The following LYN variants were observed in gnomAD, a reference collection of about 807,000 sequenced individuals.
The protein encoded by LYN is tyrosine-protein kinase Lyn.
In LYN, 12 loss-of-function variants were observed where a neutral mutation model predicts 65.0. That is an observed-to-expected ratio of 0.18 (90% confidence interval 0.12 to 0.30). The LOEUF (loss-of-function observed/expected upper bound fraction) is 0.30, where lower values mean the gene tolerates loss of function less well. Ranked by LOEUF, LYN falls within the 10% of genes least tolerant of loss-of-function variation. The pLI is 1.00. For synonymous variants in LYN, 222 were observed against 221.2 expected (o/e 1.00, Z -0.03); for missense variants, 380 against 623.2 (o/e 0.61, Z 4.16).
chr8:55,926,976 T>C (rs1806126771), intron 1 of LYN, among the ~76,000 whole-genome samples: 2 of 152,234 alleles, frequency 1.3e-5, no homozygotes, highest in South Asian at 4.1e-4. Flanking sequence ...ATAATTGCCA[T>C]CTAGCCATCA....
At chr8:55,885,500 A>G (rs891226923) in intron 1 of LYN, among the ~76,000 whole-genome samples, 1 of 152,130 alleles carries the variant, frequency 6.6e-6, no homozygotes, top group Non-Finnish European at 1.5e-5. Context: ...TTGGTAAAAC[A>G]TCTGGTGGGG....
intron 1 of LYN, among the ~76,000 whole-genome samples, chr8:55,939,986 C>T (rs1469010918): frequency 6.6e-6 from 1 of 152,194 alleles, no homozygotes; most frequent in Non-Finnish European, 1.5e-5. Flanking sequence ...GGCTTCATAC[C>T]TCAAGTAATG....
At chr8:55,907,100 GA>G (rs1313533511) in intron 1 of LYN, among the ~76,000 whole-genome samples, 1 of 152,122 alleles carries the variant, frequency 6.6e-6, no homozygotes, top group African/African-American at 2.4e-5. Flanking sequence ...CCAAGAGAAA[GA>G]AAAACATAGG....
At chr8:55,950,080 C>T (rs984721562) in intron 4 of LYN, among the ~76,000 whole-genome samples, 1 of 152,140 alleles carries the variant, frequency 6.6e-6, no homozygotes, top group Non-Finnish European at 1.5e-5. Context: ...AAAGTTCATC[C>T]CTGTTGTAGC....
intron 1 of LYN, among the ~76,000 whole-genome samples, chr8:55,884,185 C>T (rs897316437): frequency 1.4e-4 from 21 of 152,116 alleles, no homozygotes; most frequent in African/African-American, 4.3e-4. Flanking sequence ...CGGCAATCTC[C>T]GCCTCCTGGG....
intron 4 of LYN, among the ~76,000 whole-genome samples, chr8:55,949,259 A>G (rs1806870141): frequency 6.6e-6 from 1 of 152,250 alleles, no homozygotes; most frequent in South Asian, 2.1e-4. Flanking sequence ...AGGATTTGAA[A>G]GCATTTCTTA....
chr8:55,995,970 A>T lies in LYN; in HGVS notation c.1051-2376A>T, dbSNP rs963010788. 7.9e-5 allele frequency among the ~76,000 whole-genome samples: 12 copies of T among 152,314 alleles called. 2 individuals are homozygous for T. The highest frequency in any genetic ancestry group is 6.5e-5 in the Admixed American group (1 of 15,306). On this transcript the variant is annotated intron_variant, in intron 10 of 12. Transcript: ENST00000519728. The stretch of plus-strand genomic sequence containing the variant: ...ATCCCTGTAGTAGTGGGCTAACAAG[A>T]TAGTATTCTGGTCATGTGAAAACCC...
At chr8:55,971,649 G>A (rs1339777165) in intron 10 of LYN, among the ~76,000 whole-genome samples, 1 of 152,202 alleles carries the variant, frequency 6.6e-6, no homozygotes, top group Non-Finnish European at 1.5e-5. Flanking sequence ...TGTACCCGGA[G>A]AATGACTTTA....
chr8:55,935,926 A>T (rs944380593), intron 1 of LYN, among the ~76,000 whole-genome samples: 1 of 152,160 alleles, frequency 6.6e-6, no homozygotes, highest in Non-Finnish European at 1.5e-5. Flanking sequence ...CAACCAGGCT[A>T]TTGTGTCCCC....
At chr8:56,001,374 G>A (rs1467926792) in intron 12 of LYN, among the ~76,000 whole-genome samples, 6 of 152,206 alleles carry the variant, frequency 3.9e-5, no homozygotes, top group Non-Finnish European at 8.8e-5. Context: ...TGTAAGAGCA[G>A]CCCCTCTTAC....
At chr8:55,998,614 C>A in intron 11 of LYN, 115 bp downstream of exon 11, 1 of 917,636 alleles carries the variant, frequency 1.1e-6, no homozygotes, top group Non-Finnish European at 1.7e-6. Flanking sequence ...TTTGGTACAA[C>A]ATTTAAGCTG....
chr8:55,911,277 ATATATATATTT>A (rs1304818618), intron 1 of LYN, among the ~76,000 whole-genome samples: 3 of 46,362 alleles, frequency 6.5e-5, no homozygotes, highest in Admixed American at 5.9e-4. Flanking sequence ...ATATATATAT[ATATATATATTT>A]TTTTTTTTTT....
At chr8:55,964,386 C>T (rs1474940868) in intron 8 of LYN, among the ~76,000 whole-genome samples, 2 of 152,022 alleles carry the variant, frequency 1.3e-5, no homozygotes, top group Non-Finnish European at 2.9e-5. Context: ...CTGCAAGCTC[C>T]TAAGTATTAA....
intron 1 of LYN, among the ~76,000 whole-genome samples, chr8:55,918,526 T>C (rs998800024): frequency 4.6e-5 from 7 of 152,188 alleles, no homozygotes; most frequent in Non-Finnish European, 1.0e-4. Context: ...AAAATATATG[T>C]TTAAGTGAAT....
chr8:55,939,468 G>C (rs552597560), intron 1 of LYN, among the ~76,000 whole-genome samples: 1 of 151,880 alleles, frequency 6.6e-6, no homozygotes, highest in African/African-American at 2.4e-5. Flanking sequence ...AGAGAAGAGA[G>C]AGAGAGAGAG....
chr8:55,987,584 G>A (rs904234507), intron 10 of LYN, among the ~76,000 whole-genome samples: 2 of 152,088 alleles, frequency 1.3e-5, no homozygotes, highest in Admixed American at 6.6e-5. Context: ...ACCTAGCTAA[G>A]TTTTGTATTT....
chr8:55,944,292 G>A (rs1202617790), intron 2 of LYN, among the ~76,000 whole-genome samples: 2 of 151,926 alleles, frequency 1.3e-5, no homozygotes, highest in Admixed American at 6.6e-5. Flanking sequence ...CATTACATAA[G>A]TATGTACAGA....
chr8:55,988,531 ATTC>A (rs1414297604), intron 10 of LYN, among the ~76,000 whole-genome samples: 19 of 152,062 alleles, frequency 1.2e-4, no homozygotes, highest in African/African-American at 3.6e-4. Context: ...AATTATGTGA[ATTC>A]TTCTTTTTCT....
chr8:55,920,991 C>G (rs1411782534), intron 1 of LYN, among the ~76,000 whole-genome samples: 1 of 152,032 alleles, frequency 6.6e-6, no homozygotes, highest in Non-Finnish European at 1.5e-5. Context: ...ACCACCGCAC[C>G]CAGCCAGGAA....
Sources: allele counts gnomAD v4.1 joint callset (sites outside exome capture counted in the v4.1 genomes callset), GRCh38; gene constraint gnomAD v4.1.1; transcripts MANE v1.5; gene names NCBI Gene and HGNC (gene_info 2026-07-23, HGNC 2026-07-21).